FAM13A: variants seen among roughly 807,000 people sequenced by gnomAD.
The protein encoded by FAM13A is family with sequence similarity 13 member A.
In FAM13A, 76 loss-of-function variants were observed where a neutral mutation model predicts 129.6. The ratio of observed to expected loss-of-function variants is 0.59; its 90% CI spans 0.49 to 0.71. The LOEUF is 0.71. FAM13A is among the 30% of genes least tolerant of loss of function. The pLI, the probability that FAM13A is intolerant of heterozygous loss-of-function variation, is 0.00. For synonymous variants in FAM13A, 443 were observed against 449.9 expected (o/e 0.98, Z 0.20); for missense variants, 1,108 against 1,249.3 (o/e 0.89, Z 1.70).
intron 7 of FAM13A, among the ~76,000 whole-genome samples, chr4:88,816,856 G>T (rs779135118): frequency 1.3e-5 from 2 of 152,138 alleles, no homozygotes; most frequent in Non-Finnish European, 2.9e-5. Context: ...CTATAATTTA[G>T]ATTATCTTTA....
At chr4:88,893,645 T>TG (rs1745779015) in intron 6 of FAM13A, among the ~76,000 whole-genome samples, 2 of 77,832 alleles carry the variant, frequency 2.6e-5, no homozygotes, top group Non-Finnish European at 5.2e-5. Flanking sequence ...AATGAATGAA[T>TG]AAATAAATAA....
At chr4:88,804,186 G>A (rs1388644759) in intron 8 of FAM13A, among the ~76,000 whole-genome samples, 2 of 152,110 alleles carry the variant, frequency 1.3e-5, no homozygotes, top group African/African-American at 4.8e-5. Flanking sequence ...CCGGGAGGCG[G>A]AGGTTGCAGT....
intron 4 of FAM13A, among the ~76,000 whole-genome samples, chr4:88,980,924 T>A (rs550206260): frequency 6.6e-6 from 1 of 152,364 alleles, no homozygotes; most frequent in South Asian, 2.1e-4. Flanking sequence ...GTGTTGTTTT[T>A]CTGCAAGATT....
intron 7 of FAM13A, chr4:88,823,006 C>T (rs761848105): frequency 3.7e-6 from 6 of 1,613,598 alleles, no homozygotes; most frequent in Non-Finnish European, 5.1e-6. Context: ...ACAAGCCATT[C>T]TCGTATGTAA....
intron 3 of FAM13A, among the ~76,000 whole-genome samples, chr4:89,015,980 A>G (rs1302651465): frequency 6.6e-6 from 1 of 152,082 alleles, no homozygotes; most frequent in Non-Finnish European, 1.5e-5. Flanking sequence ...ACATATACAC[A>G]TGTGTATGTT....
At chr4:88,846,681 G>A (rs887254393) in intron 7 of FAM13A, among the ~76,000 whole-genome samples, 2 of 152,098 alleles carry the variant, frequency 1.3e-5, no homozygotes, top group African/African-American at 4.8e-5. Context: ...GTATTATTGA[G>A]GTATATTTTA....
At chr4:88,734,621 A>C (rs1227711016) in intron 21 of FAM13A, among the ~76,000 whole-genome samples, 1 of 152,202 alleles carries the variant, frequency 6.6e-6, no homozygotes, top group African/African-American at 2.4e-5. Flanking sequence ...AATCAGGGTG[A>C]TCTGTTCCCT....
At chr4:88,871,303 T>C (rs1051485314) in intron 6 of FAM13A, among the ~76,000 whole-genome samples, 2 of 152,182 alleles carry the variant, frequency 1.3e-5, no homozygotes, top group Non-Finnish European at 2.9e-5. Flanking sequence ...CTTTGATGAA[T>C]TGACAGAAGT....
chr4:88,745,030 AG>A (rs762924605), intron 19 of FAM13A, among the ~76,000 whole-genome samples: 43 of 152,152 alleles, frequency 2.8e-4, no homozygotes, highest in Non-Finnish European at 5.3e-4. Flanking sequence ...TTTAATCAGA[AG>A]GAGGCCACAG....
chr4:89,028,301 G>A (rs547474236), intron 2 of FAM13A, among the ~76,000 whole-genome samples: 1 of 151,756 alleles, frequency 6.6e-6, no homozygotes, highest in African/African-American at 2.4e-5. Context: ...TCACAGGTAA[G>A]AGTGAAACCT....
At chr4:88,904,566 T>C (rs1465459570) in intron 6 of FAM13A, among the ~76,000 whole-genome samples, 1 of 152,162 alleles carries the variant, frequency 6.6e-6, no homozygotes, top group African/African-American at 2.4e-5. Context: ...AGCTGAATCA[T>C]GAGACCACAT....
chr4:88,943,799 T>A (rs938455475), intron 4 of FAM13A, among the ~76,000 whole-genome samples: 2 of 152,312 alleles, frequency 1.3e-5, no homozygotes, highest in African/African-American at 2.4e-5. Context: ...TGAGACTAAA[T>A]GAACTGATGA....
At chr4:88,959,143 C>A (rs1460490204) in intron 4 of FAM13A, among the ~76,000 whole-genome samples, 6 of 152,146 alleles carry the variant, frequency 3.9e-5, no homozygotes. Context: ...TGCCTTGTCT[C>A]AGATGAGATT....
At chr4:88,922,979 A>G (rs1276143549) in intron 5 of FAM13A, among the ~76,000 whole-genome samples, 4 of 152,332 alleles carry the variant, frequency 2.6e-5, no homozygotes, top group East Asian at 3.9e-4. Flanking sequence ...CGACACATAC[A>G]CCATCCCAAG....
At chr4:88,989,464 T>C (rs1408380193) in intron 4 of FAM13A, among the ~76,000 whole-genome samples, 1 of 152,044 alleles carries the variant, frequency 6.6e-6, no homozygotes, top group African/African-American at 2.4e-5. Context: ...TAATTGGGCA[T>C]GATGGCATGT....
At chr4:88,921,212 T>C (rs1009812078) in intron 5 of FAM13A, among the ~76,000 whole-genome samples, 4 of 151,696 alleles carry the variant, frequency 2.6e-5, no homozygotes, top group Admixed American at 2.0e-4. Context: ...GCCACAAAGA[T>C]ACTCCTCGAG....
chr4:88,987,336 G>A (rs1353981565), intron 4 of FAM13A, among the ~76,000 whole-genome samples: 1 of 152,166 alleles, frequency 6.6e-6, no homozygotes, highest in Non-Finnish European at 1.5e-5. Context: ...ATAGTGAATA[G>A]GGAGGAATAC....
chr4:88,845,821 G>T (rs1051937739), intron 7 of FAM13A, among the ~76,000 whole-genome samples: 3 of 152,100 alleles, frequency 2.0e-5, no homozygotes, highest in Non-Finnish European at 4.4e-5. Context: ...TTGGGAAAAG[G>T]AATAAATAGA....
At chr4:89,055,116 G>T (rs1391256476) in intron 1 of FAM13A, among the ~76,000 whole-genome samples, 1 of 152,052 alleles carries the variant, frequency 6.6e-6, no homozygotes, top group Non-Finnish European at 1.5e-5. Context: ...TTGCAGAAAG[G>T]GCAGAGGAAA....
Sources: allele counts gnomAD v4.1 joint callset (sites outside exome capture counted in the v4.1 genomes callset), GRCh38; gene constraint gnomAD v4.1.1; transcripts MANE v1.5; gene names NCBI Gene and HGNC (gene_info 2026-07-23, HGNC 2026-07-21).